The following DNAH7 variants were observed in gnomAD, a reference collection of about 807,000 sequenced individuals.
DNAH7 encodes axonemal beta dynein heavy chain 7.
DNAH7 carries 397 observed loss-of-function variants against 444.6 expected under a neutral mutation model. That is an observed-to-expected ratio of 0.89 (90% CI 0.82 to 0.97). The LOEUF is 0.97. Ranked by LOEUF, DNAH7 falls within the 50% of genes least tolerant of loss-of-function variation. DNAH7 has a pLI of 0.00. For missense variants in DNAH7, 4,902 were observed against 4,800.8 expected, an observed-to-expected ratio of 1.02 and a Z score of -0.62; for synonymous variants, 1,636 against 1,624.4, an observed-to-expected ratio of 1.01 and a Z score of -0.17.
chr2:195,851,163 G>A (rs1026675318), intron 46 of DNAH7, among the ~76,000 whole-genome samples: 4 of 152,192 alleles, frequency 2.6e-5, no homozygotes, highest in African/African-American at 9.6e-5. Context: ...CCCTTACGCT[G>A]AGAATTGAAT....
Position 195,923,690 on chromosome 2 carries a change from C to A in DNAH7, c.3730G>T (p.Val1244Phe), listed in dbSNP as rs769900524. The A allele has an allele frequency of 1.2e-6, 2 of 1,614,112 alleles. No individual in the cohort carries two copies. Among genetic ancestry groups the A allele is most frequent in the Non-Finnish European group, 1.7e-6 (2 of 1,180,010 alleles). Reference protein sequence around the residue: ...VTLGALVVLDVHARDVLSSLV... With the variant: ...VTLGALVVLDFHARDVLSSLV... ...GATGAGAGGACATCTCTAGCATGGACATCCAGTACCACAAGTGCTCCCAGA... is the reference window on the plus strand; with the variant it reads ...GATGAGAGGACATCTCTAGCATGGAAATCCAGTACCACAAGTGCTCCCAGA... Residue 1244 changes from valine (V) to phenylalanine (F), a missense_variant, in exon 23 of 65, where the codon GTC becomes TTC. Physicochemically the swap from Val to Phe is conservative, Grantham distance 50. Coordinates refer to ENST00000312428, the MANE Select transcript of DNAH7 (RefSeq NM_018897.3).
chr2:195,972,885 T>C (rs972145722), intron 15 of DNAH7, among the ~76,000 whole-genome samples: 1 of 152,184 alleles, frequency 6.6e-6, no homozygotes, highest in African/African-American at 2.4e-5. Flanking sequence ...GCAGTCCAGT[T>C]GGGGAGTCTC....
Position 195,872,274 on chromosome 2 carries a change from C to G in DNAH7, c.6609G>C (p.Val2203=), listed in dbSNP as rs760118492. ...CCTCATGAACCCAAAGACGTTTAAT[C>G]ACTTCTGTGGTTTCTGTTGTTTCTG... The part of the protein sequence containing the change: ...SRPETTETTE[V]IKRLWVHEVL... Residue 2203 remains valine (V), a synonymous_variant, in exon 40 of 65, where the codon GTG becomes GTC. Coordinates refer to ENST00000312428, the MANE Select transcript of DNAH7 (RefSeq NM_018897.3). 1.2e-6 allele frequency: 2 copies of G among 1,613,034 alleles called. No homozygotes were observed. The highest frequency in any genetic ancestry group is 2.7e-5 in the African/African-American group (2 of 74,904).
At chr2:195,952,826 T>C (rs1031457722) in intron 19 of DNAH7, among the ~76,000 whole-genome samples, 1 of 152,194 alleles carries the variant, frequency 6.6e-6, no homozygotes, top group Non-Finnish European at 1.5e-5. Flanking sequence ...TAGTTAGCAA[T>C]TCGTCTAACC....
At chr2:195,945,084 G>A (rs1302450249) in intron 19 of DNAH7, among the ~76,000 whole-genome samples, 1 of 151,622 alleles carries the variant, frequency 6.6e-6, no homozygotes, top group Non-Finnish European at 1.5e-5. Context: ...AAACCCAAGT[G>A]GGTCATAAAC....
intron 61 of DNAH7, among the ~76,000 whole-genome samples, chr2:195,765,242 G>C (rs1247302491): frequency 6.6e-6 from 1 of 152,060 alleles, no homozygotes; most frequent in Non-Finnish European, 1.5e-5. Context: ...TGGATTAAAG[G>C]CTTAAATCTA....
chr2:195,770,676 GTTTAA>G (rs1244055600), intron 61 of DNAH7, among the ~76,000 whole-genome samples: 1 of 151,922 alleles, frequency 6.6e-6, no homozygotes, highest in African/African-American at 2.4e-5. Context: ...CCCTAATCTT[GTTTAA>G]TTTTTCTCCA....
At chr2:195,790,820 C>A (rs1173066153) in intron 57 of DNAH7, among the ~76,000 whole-genome samples, 1 of 152,000 alleles carries the variant, frequency 6.6e-6, no homozygotes, top group Non-Finnish European at 1.5e-5. Context: ...GCAGCTGCAA[C>A]AAAAACAAAA....
At chr2:195,997,153 G>A (rs1693745280) in intron 12 of DNAH7, among the ~76,000 whole-genome samples, 2 of 152,100 alleles carry the variant, frequency 1.3e-5, no homozygotes, top group South Asian at 4.2e-4. Context: ...TATCTAATTT[G>A]TAAAGCCTAT....
At chr2:196,064,439 T>C in intron 1 of DNAH7, among the ~76,000 whole-genome samples, 1 of 152,116 alleles carries the variant, frequency 6.6e-6, no homozygotes, top group East Asian at 1.9e-4. Flanking sequence ...ATCTGTTTCC[T>C]GTACCAACAT....
chr2:195,976,779 GA>G (rs1559295033), intron 15 of DNAH7, among the ~76,000 whole-genome samples: 3 of 148,692 alleles, frequency 2.0e-5, no homozygotes, highest in Non-Finnish European at 3.0e-5. Context: ...GAGAGAGAGA[GA>G]GAGAGAGACT....
chr2:195,808,874 A>G lies in DNAH7; in HGVS notation c.9891T>C (p.Ile3297=). ...TINLLLHERA[I]NKAEWRFLLT... is the part of the protein sequence containing the mutation. ...GCAGAAATCTCCACTCAGCTTTATT[A>G]ATCTTTGGAAAACAAGGCAGCGTGA... The change falls in exon 53 of 65, where the codon ATT becomes ATC. Residue 3297 remains isoleucine (I), a splice_region_variant and synonymous_variant. Transcript: ENST00000312428. 3.7e-6 allele frequency: 6 copies of G among 1,612,196 alleles called. No individual in the cohort carries two copies. The highest frequency in any genetic ancestry group is 5.1e-6 in the Non-Finnish European group (6 of 1,179,134).
chr2:195,837,991 T>A (rs1003225752), intron 47 of DNAH7, among the ~76,000 whole-genome samples: 1 of 152,062 alleles, frequency 6.6e-6, no homozygotes, highest in African/African-American at 2.4e-5. Context: ...GGGGCAGGGG[T>A]AGGATAAATT....
intron 5 of DNAH7, among the ~76,000 whole-genome samples, chr2:196,028,877 G>A (rs1695858564): frequency 6.6e-6 from 1 of 152,074 alleles, no homozygotes; most frequent in Non-Finnish European, 1.5e-5. Context: ...TACCAAAGTG[G>A]GTATCCAGAA....
At chr2:196,036,856 T>C (rs1696425206) in intron 5 of DNAH7, among the ~76,000 whole-genome samples, 2 of 152,150 alleles carry the variant, frequency 1.3e-5, no homozygotes, top group Admixed American at 6.5e-5. Flanking sequence ...ACCTAAGGAC[T>C]GGCATTCCCA....
chr2:195,768,812 C>T (rs1244987879), intron 61 of DNAH7, among the ~76,000 whole-genome samples: 1 of 152,070 alleles, frequency 6.6e-6, no homozygotes, highest in Non-Finnish European at 1.5e-5. Flanking sequence ...TGATCTTTTA[C>T]AAATATATAG....
intron 17 of DNAH7, among the ~76,000 whole-genome samples, chr2:195,961,922 C>T (rs1331780403): frequency 1.3e-5 from 2 of 151,680 alleles, no homozygotes; most frequent in Non-Finnish European, 2.9e-5. Context: ...TAATATAAAG[C>T]AATAGAAAAG....
chr2:196,001,561 G>C (rs1694036423), intron 11 of DNAH7, 114 bp downstream of exon 11: 1 of 993,670 alleles, frequency 1.0e-6, no homozygotes, highest in African/African-American at 1.7e-5. Flanking sequence ...AAGTGTAATA[G>C]GTCTAAAGAT....
chr2:195,750,291 T>C (rs940844139), intron 63 of DNAH7, among the ~76,000 whole-genome samples: 1 of 152,188 alleles, frequency 6.6e-6, no homozygotes, highest in East Asian at 1.9e-4. Context: ...CAGTATATAA[T>C]AATGGGCAAC....
Sources: allele counts gnomAD v4.1 joint callset (sites outside exome capture counted in the v4.1 genomes callset), GRCh38; gene constraint gnomAD v4.1.1; transcripts MANE v1.5; gene names NCBI Gene and HGNC (gene_info 2026-07-23, HGNC 2026-07-21).